The following NPM1 variants were observed in gnomAD, a reference collection of about 807,000 sequenced individuals.
NPM1 encodes the protein nucleophosmin 1.
A neutral mutation model predicts 44.1 loss-of-function variants in NPM1; 1 was observed. The observed-to-expected ratio is 0.02, with a 90% CI of 0.01 to 0.11. NPM1 has a LOEUF of 0.11. Ranked by LOEUF, NPM1 falls within the 10% of genes least tolerant of loss-of-function variation. The pLI, the probability that NPM1 is intolerant of heterozygous loss-of-function variation, is 1.00. For synonymous variants in NPM1, 126 were observed against 111.8 expected (o/e 1.13, Z -0.80); for missense variants, 197 against 347.8 (o/e 0.57, Z 3.45).
chr5:171,400,055 C>A, intron 6 of NPM1, 98 bp from the exon 7 acceptor site: 1 of 737,334 alleles, frequency 1.4e-6, no homozygotes, highest in Non-Finnish European at 2.4e-6. Context: ...CTTCGATAAA[C>A]ATGGGTGCAC....
chr5:171,397,996 T>C (rs1157960433), intron 6 of NPM1, among the ~76,000 whole-genome samples: 3 of 152,106 alleles, frequency 2.0e-5, no homozygotes, highest in African/African-American at 7.2e-5. Flanking sequence ...TTTCGCCATG[T>C]TGGCCAGGCT....
At chr5:171,388,808 C>T (rs181870061) in intron 1 of NPM1, among the ~76,000 whole-genome samples, 1 of 152,328 alleles carries the variant, frequency 6.6e-6, no homozygotes, top group African/African-American at 2.4e-5. Context: ...GTAGGTGGAG[C>T]TAGCCCCACT....
chr5:171,398,777 CAA>C, intron 6 of NPM1, among the ~76,000 whole-genome samples: 1 of 152,142 alleles, frequency 6.6e-6, no homozygotes, highest in Middle Eastern at 3.4e-3. Context: ...CCTCAAAAAA[CAA>C]AAAAATCACT....
chr5:171,391,277 TGAA>T, intron 2 of NPM1, 25 bp from the exon 3 acceptor site: 2 of 1,603,636 alleles, frequency 1.2e-6, no homozygotes, highest in Non-Finnish European at 1.7e-6. Flanking sequence ...ACTCAAAAGT[TGAA>T]GTAGTATTTT....
chr5:171,392,622 AGTTT>A (rs1770637548), intron 4 of NPM1, 84 bp from the exon 5 acceptor site: 1 of 669,674 alleles, frequency 1.5e-6, no homozygotes, highest in Non-Finnish European at 2.4e-6. Flanking sequence ...TAGAAGTCTC[AGTTT>A]TTAGAGTATT....
chr5:171,407,557 G>A (rs1771638141), intron 9 of NPM1, 143 bp from the exon 10 acceptor site: 1 of 654,394 alleles, frequency 1.5e-6, no homozygotes, highest in South Asian at 1.7e-5. Flanking sequence ...CCCTGAAAAA[G>A]ATACGGAGTA....
At chr5:171,391,250 G>C (rs534821853) in intron 2 of NPM1, 55 bp from the exon 3 acceptor site, 4 of 1,589,022 alleles carry the variant, frequency 2.5e-6, no homozygotes, top group Admixed American at 1.8e-5. Context: ...TTAGTGGGGG[G>C]GTGTAAAATA....
In NPM1 at chr5:171,405,346, A is replaced by G. The variant is rs778045427; in HGVS notation, c.714A>G (p.Pro238=). 3 of 1,596,996 alleles carry G rather than the reference A, an allele frequency of 1.9e-6. No homozygotes were observed. In the East Asian group the frequency reaches 6.7e-5, roughly 36 times the overall value. ...AACAGGAAAAAACTCCTAAAACACC[A>G]AAAGGACCTAGTTCTGTAGAAGACA... is the stretch of plus-strand genomic sequence containing the variant. ...FKKQEKTPKT[P]KGPSSVEDIK... The change falls in exon 9 of 11, where the codon CCA becomes CCG. Residue 238 remains proline (P), a synonymous_variant. Coordinates refer to ENST00000296930, the MANE Select transcript of NPM1 (RefSeq NM_002520.7).
At chr5:171,388,457 C>T (rs980449482) in intron 1 of NPM1, among the ~76,000 whole-genome samples, 5 of 152,108 alleles carry the variant, frequency 3.3e-5, no homozygotes, top group African/African-American at 9.7e-5. Context: ...CACAGCCTGG[C>T]GTTATTCTGG....
intron 4 of NPM1, among the ~76,000 whole-genome samples, chr5:171,392,029 T>C (rs1409481050): frequency 1.3e-5 from 2 of 151,976 alleles, no homozygotes; most frequent in Non-Finnish European, 2.9e-5. Context: ...CTGGAACCTC[T>C]CCGGGATTCA....
chr5:171,393,947 CAAAAG>C (rs1393524945), intron 6 of NPM1, among the ~76,000 whole-genome samples: 3 of 150,952 alleles, frequency 2.0e-5, no homozygotes, highest in African/African-American at 7.3e-5. Flanking sequence ...GACCCAATCT[CAAAAG>C]AAAAATAAAA....
At chr5:171,399,731 C>T (rs1033319314) in intron 6 of NPM1, among the ~76,000 whole-genome samples, 2 of 151,338 alleles carry the variant, frequency 1.3e-5, no homozygotes, top group Admixed American at 6.6e-5. Context: ...TTTAATAGAA[C>T]TATACATTAC....
At chr5:171,390,225 C>G (rs913558988) in intron 2 of NPM1, 95 bp downstream of exon 2, 1 of 654,510 alleles carries the variant, frequency 1.5e-6, no homozygotes, top group Non-Finnish European at 2.6e-6. Context: ...CCTTTGCTGA[C>G]TGCTTATAAA....
chr5:171,406,736 G>T, intron 9 of NPM1: 1 of 1,125,858 alleles, frequency 8.9e-7, no homozygotes, highest in Non-Finnish European at 1.1e-6. Flanking sequence ...AATTAAGAAT[G>T]TATGTGACAA....
Position 171,388,039 on chromosome 5 carries a change from G to A in NPM1, c.58+33G>A, listed in dbSNP as rs753683901. ...CTGGGGGGAGCTGGAGCGAGGCCGA[G>A]CGGGGCCTGGTGGCGGTGAGGGTGG... On this transcript the variant is annotated intron_variant, in intron 1 of 10. Coordinates refer to ENST00000296930, the MANE Select transcript of NPM1 (RefSeq NM_002520.7). 1.9e-6 allele frequency: 3 copies of A among 1,569,424 alleles called. No individual in the cohort carries two copies. The Admixed American group carries it at 5.0e-5, about 26-fold the overall frequency.
chr5:171,408,149 T>TC (rs1218463847), intron 10 of NPM1, among the ~76,000 whole-genome samples: 2 of 149,060 alleles, frequency 1.3e-5, no homozygotes, highest in Non-Finnish European at 3.0e-5. Context: ...GTAGAGATCT[T>TC]TTTTTTTTTT....
intron 10 of NPM1, among the ~76,000 whole-genome samples, chr5:171,408,789 T>C (rs1771688866): frequency 6.6e-6 from 1 of 152,170 alleles, no homozygotes; most frequent in Non-Finnish European, 1.5e-5. Flanking sequence ...ATATTGAAAA[T>C]AGTGGAAAGT....
intron 4 of NPM1, 123 bp from the exon 5 acceptor site, chr5:171,392,586 CT>C (rs34475806): frequency 0.054 from 24,135 of 444,974 alleles, 18 homozygotes; most frequent in Middle Eastern, 0.06. Flanking sequence ...CCCATGTGCT[CT>C]TTTTTTTTTT....
chr5:171,391,436 T>A lies in NPM1; in HGVS notation c.258+12T>A, dbSNP rs756197744. Reference sequence around the variant, plus strand: ...CTGTACAGCCAACGGTAAGGGCACTTACATACTTTGGATGTTGTGTCAAGG... The same window carrying A: ...CTGTACAGCCAACGGTAAGGGCACTAACATACTTTGGATGTTGTGTCAAGG... On this transcript the variant is annotated intron_variant, in intron 3 of 10. Coordinates refer to ENST00000296930, the MANE Select transcript of NPM1 (RefSeq NM_002520.7). 1.9e-6 allele frequency: 3 copies of A among 1,605,570 alleles called. No individual in the cohort carries two copies. The highest frequency in any genetic ancestry group is 2.5e-6 in the Non-Finnish European group (3 of 1,179,736).
Sources: gnomAD v4.1 joint callset for allele counts (sites outside exome capture counted in the v4.1 genomes callset) on GRCh38, gnomAD v4.1.1 for gene constraint, MANE v1.5 for transcripts, NCBI Gene and HGNC (gene_info 2026-07-23, HGNC 2026-07-21) for gene names.